SGCE: variants seen among roughly 807,000 people sequenced by gnomAD.
SGCE encodes the protein sarcoglycan epsilon.
Under a neutral mutation model 57.8 loss-of-function variants are expected in SGCE, and 26 were observed. That is an observed-to-expected ratio of 0.45 (90% CI 0.33 to 0.62). The LOEUF (loss-of-function observed/expected upper bound fraction) is 0.62, where lower values mean the gene tolerates loss of function less well. Ranked by LOEUF, SGCE falls within the 20% of genes least tolerant of loss-of-function variation. The pLI, the probability that SGCE is intolerant of heterozygous loss-of-function variation, is 0.02. For missense variants in SGCE, 468 were observed against 548.6 expected, an observed-to-expected ratio of 0.85 and a Z score of 1.47; for synonymous variants, 183 against 189.5, an observed-to-expected ratio of 0.97 and a Z score of 0.28.
chr7:94,604,856 T>TATATATAA (rs1562815619), intron 5 of SGCE, among the ~76,000 whole-genome samples: 3 of 86,290 alleles, frequency 3.5e-5, no homozygotes, highest in African/African-American at 1.0e-4. Flanking sequence ...TATATATATA[T>TATATATAA]ATAATAGTTG....
intron 1 of SGCE, among the ~76,000 whole-genome samples, chr7:94,646,620 G>C (rs1293362719): frequency 6.6e-6 from 1 of 152,146 alleles, no homozygotes; most frequent in Non-Finnish European, 1.5e-5. Flanking sequence ...ATACAAAACA[G>C]TATACAGGCA....
Position 94,618,793 on chromosome 7 carries a change from G to C in SGCE, c.627C>G (p.Gly209=). Residue 209 remains glycine, a synonymous_variant, in exon 5 of 11, where the codon GGC becomes GGG. Transcript: ENST00000648936. ...GGTCATTAATGGGAAGTGGCACCCT[G>C]CCACCCCTGTCTAGGGCCGATGTGA... is the stretch of plus-strand genomic sequence containing the variant. The part of the protein sequence containing the change: ...INITSALDRG[G]RVPLPINDLK... The C allele has an allele frequency of 6.2e-7, 1 of 1,613,990 alleles. No individual in the cohort carries two copies. The highest frequency in any genetic ancestry group is 2.2e-5 in the East Asian group (1 of 44,862).
At chr7:94,597,105 G>A (rs1798515919) in intron 9 of SGCE, 1 of 152,056 alleles carries the variant, frequency 6.6e-6, no homozygotes. Flanking sequence ...GACCACCAGA[G>A]AGCATAGAAA....
intron 1 of SGCE, among the ~76,000 whole-genome samples, chr7:94,645,646 A>T (rs1322815390): frequency 6.6e-6 from 1 of 152,164 alleles, no homozygotes; most frequent in East Asian, 1.9e-4. Flanking sequence ...TCTGGGTTCA[A>T]ATCCTAATTT....
chr7:94,607,506 A>G (rs1282071266), intron 5 of SGCE, among the ~76,000 whole-genome samples: 1 of 152,224 alleles, frequency 6.6e-6, no homozygotes, highest in African/African-American at 2.4e-5. Flanking sequence ...CAACATCCAA[A>G]AATCAGTTAA....
chr7:94,617,325 A>G (rs1443631081), intron 5 of SGCE: 1 of 152,244 alleles, frequency 6.6e-6, no homozygotes, highest in African/African-American at 2.4e-5. Context: ...TGGGACCTGC[A>G]CTACTAACGA....
intron 9 of SGCE, among the ~76,000 whole-genome samples, chr7:94,591,726 C>T (rs1797700290): frequency 6.6e-6 from 1 of 152,102 alleles, no homozygotes; most frequent in African/African-American, 2.4e-5. Flanking sequence ...CTTTTCTAGC[C>T]TCCGTTTTTT....
intron 1 of SGCE, 50 bp from the exon 2 acceptor site, chr7:94,629,891 C>T (rs758862275): frequency 9.9e-5 from 158 of 1,602,532 alleles, no homozygotes; most frequent in Middle Eastern, 1.7e-4. Flanking sequence ...TAATGAGATA[C>T]GCCCTTGATA....
intron 5 of SGCE, among the ~76,000 whole-genome samples, chr7:94,615,430 CA>C (rs1801781220): frequency 6.6e-6 from 1 of 151,514 alleles, no homozygotes; most frequent in Non-Finnish European, 1.5e-5. Flanking sequence ...AGATAAAGGG[CA>C]ATTCTGTAAG....
Position 94,614,565 on chromosome 7 carries a change from A to C in SGCE, c.662+4193T>G, listed in dbSNP as rs890002567. On this transcript the variant is annotated intron_variant, in intron 5 of 10. Coordinates refer to ENST00000648936, the MANE Select transcript of SGCE (RefSeq NM_003919.3). ...CTCTCCTACCTTCGGTACTCGCCCA[A>C]GCCCTTTCCCCTGCATAGCGTTCCC... Among the ~76,000 whole-genome samples the C allele has an allele frequency of 3.3e-5, 5 of 152,216 alleles. No homozygotes were observed. In the South Asian group the frequency reaches 8.3e-4, roughly 25 times the overall value.
intron 1 of SGCE, among the ~76,000 whole-genome samples, chr7:94,650,323 T>C (rs1330815923): frequency 6.6e-6 from 1 of 152,192 alleles, no homozygotes. Flanking sequence ...CTGCCCCCTC[T>C]AGCCCTAGGT....
At chr7:94,597,954 C>A in intron 9 of SGCE, 1 of 162,602 alleles carries the variant, frequency 6.1e-6, no homozygotes, top group Non-Finnish European at 1.3e-5. Context: ...CTGCAGTGAG[C>A]CAAGATCGCT....
intron 5 of SGCE, among the ~76,000 whole-genome samples, chr7:94,605,711 T>C (rs544826799): frequency 3.3e-5 from 5 of 151,630 alleles, no homozygotes; most frequent in Admixed American, 6.6e-5. Context: ...AAAACAATCA[T>C]AAAAAATGCT....
At chr7:94,654,157 C>T (rs556127316) in intron 1 of SGCE, among the ~76,000 whole-genome samples, 6 of 152,084 alleles carry the variant, frequency 3.9e-5, no homozygotes, top group African/African-American at 2.4e-5. Context: ...GTTTTCTCTC[C>T]TGAATTTTGT....
chr7:94,595,936 A>T (rs761563958), intron 9 of SGCE, among the ~76,000 whole-genome samples: 1 of 152,130 alleles, frequency 6.6e-6, no homozygotes, highest in Non-Finnish European at 1.5e-5. Flanking sequence ...GATGAGTCAG[A>T]CGCACTTGAT....
chr7:94,605,240 C>T (rs1409155832), intron 5 of SGCE, among the ~76,000 whole-genome samples: 1 of 151,962 alleles, frequency 6.6e-6, no homozygotes, highest in Non-Finnish European at 1.5e-5. Flanking sequence ...ATGCAGAGGG[C>T]TCTAATGAAT....
At chr7:94,646,500 T>C (rs1400587328) in intron 1 of SGCE, among the ~76,000 whole-genome samples, 1 of 152,196 alleles carries the variant, frequency 6.6e-6, no homozygotes, top group Non-Finnish European at 1.5e-5. Context: ...GTGGAAACTT[T>C]AACAAAAACA....
intron 1 of SGCE, among the ~76,000 whole-genome samples, chr7:94,642,149 C>G (rs2117051106): frequency 6.6e-6 from 1 of 152,018 alleles, no homozygotes; most frequent in Non-Finnish European, 1.5e-5. Flanking sequence ...TCCACAGCAC[C>G]CCCCAAAATA....
At position 94,599,141 on chromosome 7, in the gene SGCE, C is replaced by T; in HGVS notation, c.1065-178G>A. Reference sequence around the variant, plus strand: ...TACATCTCACATACTTTTAATATAACAAAACTGAAAATTATAAACTGATTT... The same window carrying T: ...TACATCTCACATACTTTTAATATAATAAAACTGAAAATTATAAACTGATTT... On this transcript the variant is annotated intron_variant, in intron 8 of 10. Transcript: ENST00000648936. 7 of 560,502 alleles carry T rather than the reference C, an allele frequency of 1.2e-5. No individual in the cohort carries two copies. In the South Asian group the frequency reaches 1.8e-4, roughly 14 times the overall value. The allele number at this position is 560,502 out of a possible 1,614,324, so 34.7% of individuals were successfully genotyped here. A position where few individuals can be genotyped will look rare whatever the true frequency, so the allele number is the denominator to read the frequency against.
Sources: allele counts gnomAD v4.1 joint callset (sites outside exome capture counted in the v4.1 genomes callset), GRCh38; gene constraint gnomAD v4.1.1; transcripts MANE v1.5; gene names NCBI Gene and HGNC (gene_info 2026-07-23, HGNC 2026-07-21).